The following RB1CC1 variants were observed in gnomAD, a reference collection of about 807,000 sequenced individuals.
RB1CC1 encodes RB1-inducible coiled-coil protein 1.
RB1CC1 carries 46 observed loss-of-function variants against 177.5 expected under a neutral mutation model. That is an observed-to-expected ratio of 0.26 (90% CI 0.20 to 0.33). The LOEUF is 0.33. RB1CC1 is among the 10% of genes least tolerant of loss of function. The pLI, the probability that RB1CC1 is intolerant of heterozygous loss-of-function variation, is 1.00. For missense variants in RB1CC1, 1,703 were observed against 1,816.3 expected (o/e 0.94, Z 1.13); for synonymous variants, 666 against 613.6 (o/e 1.09, Z -1.26).
At chr8:52,634,207 G>C (rs1299271845) in intron 20 of RB1CC1, among the ~76,000 whole-genome samples, 1 of 151,906 alleles carries the variant, frequency 6.6e-6, no homozygotes, top group Non-Finnish European at 1.5e-5. Flanking sequence ...TGCCTTTCAG[G>C]CACTTTCACT....
intron 1 of RB1CC1, among the ~76,000 whole-genome samples, chr8:52,705,882 T>G (rs1317773136): frequency 6.6e-6 from 1 of 152,136 alleles, no homozygotes; most frequent in Non-Finnish European, 1.5e-5. Context: ...TATCAAATTT[T>G]AGACATTTAA....
At chr8:52,652,659 T>G (rs1161837528) in intron 15 of RB1CC1, among the ~76,000 whole-genome samples, 1 of 152,258 alleles carries the variant, frequency 6.6e-6, no homozygotes, top group Middle Eastern at 3.4e-3. Flanking sequence ...TGTTCTTGTT[T>G]TTCACATATT....
rs1849020460 is a variant in RB1CC1 at position 52,634,979 on chromosome 8, A to G, written c.4393-11T>C. 6.2e-7 allele frequency: 1 copy of G among 1,602,488 alleles called. No homozygotes were observed. Among genetic ancestry groups the G allele is most frequent in the Non-Finnish European group, 8.5e-7 (1 of 1,173,414 alleles). On this transcript the variant is annotated splice_polypyrimidine_tract_variant and intron_variant, in intron 19 of 23. Coordinates refer to ENST00000025008, the MANE Select transcript of RB1CC1 (RefSeq NM_014781.5). ...TTTCAATTGCAATGTCTGCAGGTGG[A>G]AAAAAGAGACCTGTGGTTTATCCTT...
intron 18 of RB1CC1, among the ~76,000 whole-genome samples, chr8:52,641,147 G>A (rs1849535248): frequency 6.6e-6 from 1 of 151,988 alleles, no homozygotes; most frequent in Admixed American, 6.6e-5. Flanking sequence ...ACTTTGGGAG[G>A]CTGAGGTGAG....
At chr8:52,669,704 CTACACCAGAG>C (rs1432642650) in intron 7 of RB1CC1, among the ~76,000 whole-genome samples, 2 of 152,130 alleles carry the variant, frequency 1.3e-5, no homozygotes. Flanking sequence ...GTATGTATTT[CTACACCAGAG>C]TACTATGCAC....
Position 52,657,290 on chromosome 8 carries a change from T to C in RB1CC1, c.2539A>G (p.Ile847Val). 1 of 1,607,178 alleles carries C rather than the reference T, an allele frequency of 6.2e-7. No homozygotes were observed. Among genetic ancestry groups the C allele is most frequent in the Non-Finnish European group, 8.5e-7 (1 of 1,174,208 alleles). Residue 847 changes from isoleucine (I) to valine (V), a missense_variant, in exon 15 of 24, where the codon ATT becomes GTT. This residue lies in a region of RB1CC1 where 1,169 missense variants were observed against 1,184.7 expected (regional missense o/e 0.99). Coordinates refer to ENST00000025008, the MANE Select transcript of RB1CC1 (RefSeq NM_014781.5). ...AGAGAACATTTTACTTTTTCAATAA[T>C]GTTTCTTATTTCTACTGCTGTACAT... ...LKCTAVEIRN[I>V]IEKVKCSLEI... is the part of the protein sequence containing the mutation.
intron 8 of RB1CC1, among the ~76,000 whole-genome samples, chr8:52,663,306 A>C (rs1851786486): frequency 6.6e-6 from 1 of 151,958 alleles, no homozygotes; most frequent in Admixed American, 6.6e-5. Flanking sequence ...TAGAGAATGA[A>C]TATTCAGGGC....
intron 18 of RB1CC1, among the ~76,000 whole-genome samples, chr8:52,641,678 T>C (rs1849598792): frequency 6.6e-6 from 1 of 152,108 alleles, no homozygotes; most frequent in African/African-American, 2.4e-5. Context: ...GGCATAATTC[T>C]TTGTGTGGCA....
Position 52,623,629 on chromosome 8 carries a change from G to A in RB1CC1, c.*153C>T. ...ATGAATTTATTATTCCTAAAATGAA[G>A]CCAGTTAAAAAGTAAACGATGTACA... is the stretch of plus-strand genomic sequence containing the variant. On this transcript the variant is annotated 3_prime_UTR_variant, in exon 24 of 24. Coordinates refer to ENST00000025008, the MANE Select transcript of RB1CC1 (RefSeq NM_014781.5). The A allele has an allele frequency of 1.5e-6, 1 of 673,814 alleles. No homozygotes were observed. Among genetic ancestry groups the A allele is most frequent in the Non-Finnish European group, 2.7e-6 (1 of 364,696 alleles). 41.7% of individuals were successfully genotyped at this position (673,814 alleles called of 1,614,324 possible).
chr8:52,696,496 A>G (rs957935053), intron 1 of RB1CC1, among the ~76,000 whole-genome samples: 3 of 152,230 alleles, frequency 2.0e-5, no homozygotes, highest in Admixed American at 1.3e-4. Flanking sequence ...AAGGCAAGGA[A>G]AACAACTTTA....
At chr8:52,703,565 CA>C (rs1195110329) in intron 1 of RB1CC1, among the ~76,000 whole-genome samples, 1 of 152,066 alleles carries the variant, frequency 6.6e-6, no homozygotes, top group Non-Finnish European at 1.5e-5. Context: ...ATTATGTAAC[CA>C]AGAATTCACA....
At chr8:52,634,141 G>A (rs1236936205) in intron 20 of RB1CC1, among the ~76,000 whole-genome samples, 2 of 151,568 alleles carry the variant, frequency 1.3e-5, no homozygotes, top group Non-Finnish European at 2.9e-5. Context: ...AATTAAAAAC[G>A]AAACAAAACA....
At chr8:52,706,461 C>T (rs919429804) in intron 1 of RB1CC1, among the ~76,000 whole-genome samples, 4 of 151,544 alleles carry the variant, frequency 2.6e-5, no homozygotes, top group Admixed American at 6.6e-5. Context: ...GTTGTAGCCT[C>T]CGCCTCCCAG....
In RB1CC1 at chr8:52,661,286, A is replaced by G. The variant is rs1198939380; in HGVS notation, c.1359-5T>C. On this transcript the variant is annotated splice_polypyrimidine_tract_variant and splice_region_variant and intron_variant, in intron 9 of 23. Transcript: ENST00000025008. Reference sequence around the variant, plus strand: ...AGCATTACAAAGCAACACCACCTAGAGAATAAAATCCATTATTTTCAACAT... The same window carrying G: ...AGCATTACAAAGCAACACCACCTAGGGAATAAAATCCATTATTTTCAACAT... 6.2e-7 allele frequency: 1 copy of G among 1,607,754 alleles called. No homozygotes were observed. The highest frequency in any genetic ancestry group is 1.3e-5 in the African/African-American group (1 of 74,436).
At chr8:52,645,920 TATACCAA>T in intron 15 of RB1CC1, 53 bp from the exon 16 acceptor site, 1 of 1,483,500 alleles carries the variant, frequency 6.7e-7, no homozygotes, top group South Asian at 1.2e-5. Context: ...GACACACAAA[TATACCAA>T]ATATCATATT....
intron 1 of RB1CC1, among the ~76,000 whole-genome samples, chr8:52,695,404 T>G (rs142622280): frequency 1.6e-4 from 25 of 152,292 alleles, no homozygotes; most frequent in African/African-American, 6.0e-4. Flanking sequence ...TACTGGGAGG[T>G]GATCTCTAGG....
In RB1CC1 at chr8:52,639,809, C is replaced by T. The variant is rs75665496; in HGVS notation, c.4337+2542G>A. Among the ~76,000 whole-genome samples, 618 of 152,272 alleles carry T rather than the reference C, an allele frequency of 4.1e-3. 6 individuals are homozygous for T. The highest frequency in any genetic ancestry group is 0.014 in the African/African-American group (592 of 41,562). On this transcript the variant is annotated intron_variant, in intron 18 of 23. Transcript: ENST00000025008. ...ACTCTGGCATTCCTAAAATACTCCA[C>T]TGGGTCATGATGACTATATCATCAT...
In RB1CC1 at chr8:52,714,256, AG is replaced by A. The variant is rs1328134401; in HGVS notation, c.-349del. ...CGGCCCCGAACTCTAGGAGGCAGGG[AG>A]GGGTCCGGGCGGACAAGGACGCGAG... On this transcript the variant is annotated 5_prime_UTR_variant, in exon 1 of 24. Coordinates refer to ENST00000025008, the MANE Select transcript of RB1CC1 (RefSeq NM_014781.5). The A allele has an allele frequency of 4.8e-6, 1 of 210,412 alleles. No homozygotes were observed. The highest frequency in any genetic ancestry group is 2.4e-5 in the African/African-American group (1 of 41,696). 13.0% of individuals were successfully genotyped at this position (210,412 alleles called of 1,614,324 possible). A position where few individuals can be genotyped will look rare whatever the true frequency, so the allele number is the denominator to read the frequency against.
At chr8:52,654,751 TATCTG>T (rs1850931965) in intron 15 of RB1CC1, among the ~76,000 whole-genome samples, 1 of 152,150 alleles carries the variant, frequency 6.6e-6, no homozygotes, top group Non-Finnish European at 1.5e-5. Flanking sequence ...TCTCCATCAA[TATCTG>T]AACAAATTAT....
Sources: gnomAD v4.1 joint callset for allele counts (sites outside exome capture counted in the v4.1 genomes callset) on GRCh38, gnomAD v4.1.1 for gene constraint, gnomAD v4.1.1 regional missense constraint, MANE v1.5 for transcripts, NCBI Gene and HGNC (gene_info 2026-07-23, HGNC 2026-07-21) for gene names.